The following QRICH1 variants were observed in gnomAD, a reference collection of about 807,000 sequenced individuals.
QRICH1 encodes the protein transcriptional regulator QRICH1.
QRICH1 carries 16 observed loss-of-function variants against 87.1 expected under a neutral mutation model. That is an observed-to-expected ratio of 0.18 (90% confidence interval 0.12 to 0.28). The LOEUF (loss-of-function observed/expected upper bound fraction) is 0.28. QRICH1 is among the 10% of genes least tolerant of loss of function. The pLI is 1.00. For missense variants in QRICH1, 647 were observed against 951.7 expected, an observed-to-expected ratio of 0.68 and a Z score of 4.21; for synonymous variants, 367 against 368.4, an observed-to-expected ratio of 1.00 and a Z score of 0.05.
intron 1 of QRICH1, among the ~76,000 whole-genome samples, chr3:49,088,612 TTGTC>T (rs1388310017): frequency 6.7e-6 from 1 of 149,530 alleles, no homozygotes; most frequent in Admixed American, 6.7e-5. Flanking sequence ...CACCAGGCTT[TTGTC>T]TGTTTTTTTT....
chr3:49,030,817 C>G (rs2093232606), intron 9 of QRICH1, among the ~76,000 whole-genome samples, 173 bp from the exon 10 acceptor site: 1 of 152,076 alleles, frequency 6.6e-6, no homozygotes, highest in African/African-American at 2.4e-5. Context: ...TTTGGGACTA[C>G]TGCAAATCCC....
In QRICH1 at chr3:49,057,970, C is replaced by T; in HGVS notation, c.310-80G>A. 1 of 1,607,270 alleles carries T rather than the reference C, an allele frequency of 6.2e-7. No homozygotes were observed. The highest frequency in any genetic ancestry group is 1.7e-5 in the Admixed American group (1 of 58,954). On this transcript the variant is annotated intron_variant, in intron 2 of 9. Coordinates refer to ENST00000395443, the MANE Select transcript of QRICH1 (RefSeq NM_198880.3). This position sits in a 1 kb window ranked among gnomAD's most constrained non-coding sequence, Gnocchi z 5.4. ...ACCCAAGGAAAGAAAGAAAAGAGATCCCAGACAGGGGACCTGCAAAATGTG... is the reference window on the plus strand; with the variant it reads ...ACCCAAGGAAAGAAAGAAAAGAGATTCCAGACAGGGGACCTGCAAAATGTG...
rs1281592180 is a variant in QRICH1 at position 49,056,977 on chromosome 3, T to C, written c.1223A>G (p.Asn408Ser). 1 of 1,614,228 alleles carries C rather than the reference T, an allele frequency of 6.2e-7. No individual in the cohort carries two copies. The highest frequency in any genetic ancestry group is 1.1e-5 in the South Asian group (1 of 91,084). ...CCATATATGGACAGTTTGAGCCGTA[T>C]TCTGGTACGTGCCTGCCACAGCCTG... ...AVQAVAGTYQNTAQTVHIWDP... is the reference protein window; with the variant it reads ...AVQAVAGTYQSTAQTVHIWDP... The change falls in exon 3 of 10, where the codon AAT becomes AGT. Residue 408 changes from asparagine to serine, a missense_variant. Asn to Ser is a conservative substitution (Grantham distance 46). This residue lies in a region of QRICH1 where 115 missense variants were observed against 126.8 expected (regional missense o/e 0.91). Transcript: ENST00000395443.
chr3:49,040,222 A>G (rs1001634751), intron 6 of QRICH1, among the ~76,000 whole-genome samples: 1 of 152,248 alleles, frequency 6.6e-6, no homozygotes, highest in African/African-American at 2.4e-5. Flanking sequence ...CAAATTATGT[A>G]GAGTGATGTA....
intron 3 of QRICH1, among the ~76,000 whole-genome samples, chr3:49,047,554 G>A (rs937015102): frequency 6.8e-6 from 1 of 146,174 alleles, no homozygotes; most frequent in South Asian, 2.1e-4. Context: ...CGCAATCTCA[G>A]CTCACTGCAC....
At chr3:49,031,530 A>G (rs2093239755) in intron 9 of QRICH1, among the ~76,000 whole-genome samples, 1 of 152,250 alleles carries the variant, frequency 6.6e-6, no homozygotes, top group South Asian at 2.1e-4. Flanking sequence ...GCTTACAGAT[A>G]GGAGGGGACA....
chr3:49,081,206 C>G lies in QRICH1; in HGVS notation c.-21-4168G>C, dbSNP rs568423857. Among the ~76,000 whole-genome samples, 3 of 152,086 alleles carry G rather than the reference C, an allele frequency of 2.0e-5. No individual in the cohort carries two copies. The South Asian group carries it at 6.2e-4, about 32-fold the overall frequency. ...CTGAGCTGGGTGGATCGCCTGAGGG[C>G]AGGAGATCGAGACCAGCCTGGCCAA... is the stretch of plus-strand genomic sequence containing the variant. On this transcript the variant is annotated intron_variant, in intron 1 of 9. Transcript: ENST00000395443.
At position 49,057,653 on chromosome 3, in the gene QRICH1, C is replaced by A. The variant is rs1428739346; in HGVS notation, c.547G>T (p.Ala183Ser). 21 of 1,614,224 alleles carry A rather than the reference C, an allele frequency of 1.3e-5. No homozygotes were observed. In the Middle Eastern group the frequency reaches 4.9e-4, roughly 38 times the overall value. The change falls in exon 3 of 10, where the codon GCA becomes TCA. Residue 183 changes from alanine (A) to serine (S), a missense_variant. Transcript: ENST00000395443. This position sits in a 1 kb window ranked among gnomAD's most constrained non-coding sequence, Gnocchi z 5.4. ...GGGATGTGCTCCTCCGGGATTTCTG[C>A]AGCCTGGATCTGCTGGGCTGCTTGC... ...HVQAAQQIQA[A>S]EIPEEHIPHQ...
intron 9 of QRICH1, among the ~76,000 whole-genome samples, chr3:49,030,990 GC>G (rs1435324119): frequency 6.0e-4 from 87 of 144,610 alleles, no homozygotes; most frequent in African/African-American, 2.1e-3. Context: ...AAGTCTTTGC[GC>G]TTTTTTTTTT....
At chr3:49,083,675 A>G (rs1359971928) in intron 1 of QRICH1, 1 of 152,196 alleles carries the variant, frequency 6.6e-6, no homozygotes, top group Non-Finnish European at 1.5e-5. Flanking sequence ...AGGCAGGAGG[A>G]TAGGATGGCT....
chr3:49,063,026 G>A (rs1341337945), intron 2 of QRICH1, among the ~76,000 whole-genome samples: 1 of 151,756 alleles, frequency 6.6e-6, no homozygotes, highest in African/African-American at 2.4e-5. Flanking sequence ...CAGGTTTTGA[G>A]ATCACAGACT....
chr3:49,068,634 CTTTT>C (rs1181774174), intron 2 of QRICH1, among the ~76,000 whole-genome samples: 10 of 143,168 alleles, frequency 7.0e-5, no homozygotes, highest in African/African-American at 2.3e-4. Context: ...AAATTTCTTT[CTTTT>C]TTTTTTTGTG....
intron 1 of QRICH1, among the ~76,000 whole-genome samples, chr3:49,086,066 C>T (rs1275712265): frequency 6.6e-6 from 1 of 151,528 alleles, no homozygotes; most frequent in African/African-American, 2.4e-5. Context: ...TACTCTAATG[C>T]TCTTGGGGTG....
chr3:49,079,005 A>G (rs1163389820), intron 1 of QRICH1, among the ~76,000 whole-genome samples: 1 of 151,992 alleles, frequency 6.6e-6, no homozygotes, highest in Non-Finnish European at 1.5e-5. Context: ...TAATATCCAT[A>G]GCTCCACGGA....
chr3:49,043,944 C>CG (rs2093325482), intron 6 of QRICH1, among the ~76,000 whole-genome samples: 1 of 152,156 alleles, frequency 6.6e-6, no homozygotes, highest in South Asian at 2.1e-4. Flanking sequence ...GTTTGAGGCC[C>CG]ATCTCAGCAA....
intron 2 of QRICH1, among the ~76,000 whole-genome samples, chr3:49,062,507 C>A (rs1207779174): frequency 6.6e-6 from 1 of 150,942 alleles, no homozygotes; most frequent in Non-Finnish European, 1.5e-5. Context: ...ATTACAGGCA[C>A]GCATCACCAT....
At position 49,030,531 on chromosome 3, in the gene QRICH1, C is replaced by T. The variant is rs758345285; in HGVS notation, c.2252G>A (p.Gly751Glu). Residue 751 changes from glycine (G) to glutamate (E), a missense_variant, in exon 10 of 10, where the codon GGA becomes GAA. This residue lies in a region of QRICH1 where 56 missense variants were observed against 79.4 expected (regional missense o/e 0.71). Coordinates refer to ENST00000395443, the MANE Select transcript of QRICH1 (RefSeq NM_198880.3). ...SVQPISREQM[G>E]QMLTRILVIR... is the part of the protein sequence containing the mutation. ...CACCAGGATCCGCGTCAGCATTTGT[C>T]CCATCTGCTCTCTGCTGATAGGCTG... 1 of 1,614,166 alleles carries T rather than the reference C, an allele frequency of 6.2e-7. No individual in the cohort carries two copies. The highest frequency in any genetic ancestry group is 1.7e-5 in the Admixed American group (1 of 60,022).
chr3:49,065,776 G>A (rs930090180), intron 2 of QRICH1, among the ~76,000 whole-genome samples: 2 of 151,780 alleles, frequency 1.3e-5, no homozygotes, highest in Non-Finnish European at 2.9e-5. Context: ...CACTTCCCGG[G>A]TTCACGCCAT....
At chr3:49,083,299 A>C (rs2042104501) in intron 1 of QRICH1, 1 of 149,888 alleles carries the variant, frequency 6.7e-6, no homozygotes, top group African/African-American at 2.5e-5. Flanking sequence ...GGATTGCTTG[A>C]GTAGTCCAGG....
Sources: allele counts gnomAD v4.1 joint callset (sites outside exome capture counted in the v4.1 genomes callset), GRCh38; gene constraint gnomAD v4.1.1; regional missense constraint gnomAD v4.1.1; non-coding constraint Gnocchi (gnomAD v3.1); transcripts MANE v1.5; gene names NCBI Gene and HGNC (gene_info 2026-07-23, HGNC 2026-07-21).